Variants in PCDHA8 observed in about 807,000 individuals in gnomAD.
PCDHA8 encodes protocadherin alpha 8, also known as protocadherin alpha-8.
A neutral mutation model predicts 61.8 loss-of-function variants in PCDHA8; 53 were observed. That is an observed-to-expected ratio of 0.86 (90% CI 0.69 to 1.08). The LOEUF is 1.08. Ranked by LOEUF, PCDHA8 falls within the 50% of genes least tolerant of loss-of-function variation. The pLI, the probability that PCDHA8 is intolerant of heterozygous loss-of-function variation, is 0.00. For synonymous variants in PCDHA8, 618 were observed against 556.6 expected (o/e 1.11, Z -1.55); for missense variants, 1,293 against 1,245.0 (o/e 1.04, Z -0.58).
intron 3 of PCDHA8, among the ~76,000 whole-genome samples, chr5:140,997,797 C>A (rs2097786104): frequency 6.6e-6 from 1 of 151,944 alleles, no homozygotes; most frequent in Non-Finnish European, 1.5e-5. Context: ...TATAATTTAT[C>A]CAATTTGCTG....
intron 1 of PCDHA8, among the ~76,000 whole-genome samples, chr5:140,978,500 G>T (rs1480843119): frequency 2.0e-5 from 3 of 152,228 alleles, no homozygotes; most frequent in Non-Finnish European, 2.9e-5. Context: ...GCAGCAGATT[G>T]CAGTCCTCTG....
chr5:140,925,806 C>A (rs2082736423), intron 1 of PCDHA8, among the ~76,000 whole-genome samples: 1 of 152,148 alleles, frequency 6.6e-6, no homozygotes, highest in South Asian at 2.1e-4. Flanking sequence ...TTCCCCTCCA[C>A]TTCTCACGTC....
rs1052880282 is a variant in PCDHA8 at position 140,969,588 on chromosome 5, T to C, written c.2395-9361T>C. On this transcript the variant is annotated intron_variant, in intron 1 of 3. Coordinates refer to ENST00000531613, the MANE Select transcript of PCDHA8 (RefSeq NM_018911.3). ...TTGTTTGAGAAGTGAGGATTAGTCT[T>C]AATATTTAATGCTAAAACACAGATT... 31 of 849,754 alleles carry C rather than the reference T, an allele frequency of 3.6e-5. No individual in the cohort carries two copies. The African/African-American group carries it at 5.3e-4, about 15-fold the overall frequency. The allele number at this position is 849,754 out of a possible 1,614,324, so 52.6% of individuals were successfully genotyped here. A position where few individuals can be genotyped will look rare whatever the true frequency, so the allele number is the denominator to read the frequency against.
chr5:140,858,695 T>C (rs563307566), intron 1 of PCDHA8: 3 of 571,446 alleles, frequency 5.2e-6, no homozygotes, highest in Admixed American at 3.6e-5. Flanking sequence ...TATTTTCCAA[T>C]ACAAATATGT....
At chr5:140,884,391 C>G in intron 1 of PCDHA8, 1 of 1,613,982 alleles carries the variant, frequency 6.2e-7, no homozygotes, top group Non-Finnish European at 8.5e-7. Flanking sequence ...TGCGCGGTGT[C>G]CAGCCTGTTG....
At chr5:140,950,914 T>C (rs1198787949) in intron 1 of PCDHA8, among the ~76,000 whole-genome samples, 1 of 152,044 alleles carries the variant, frequency 6.6e-6, no homozygotes, top group African/African-American at 2.4e-5. Flanking sequence ...TTTATTTTAT[T>C]TCAGTTCTTT....
intron 1 of PCDHA8, chr5:140,928,231 CA>C: frequency 6.2e-7 from 1 of 1,614,226 alleles, no homozygotes; most frequent in Non-Finnish European, 8.5e-7. Flanking sequence ...AAACTTTCCT[CA>C]ACCCCAGCAG....
chr5:140,886,012 T>C (rs1363937487), intron 1 of PCDHA8, among the ~76,000 whole-genome samples: 1 of 152,190 alleles, frequency 6.6e-6, no homozygotes, highest in Non-Finnish European at 1.5e-5. Context: ...TAAAGGGAGA[T>C]GCTATGTATT....
At chr5:140,862,122 G>A (rs2047215545) in intron 1 of PCDHA8, 2 of 161,786 alleles carry the variant, frequency 1.2e-5, no homozygotes, top group Admixed American at 5.7e-5. Flanking sequence ...ATAAATAAAT[G>A]TAAAGATAGG....
intron 1 of PCDHA8, among the ~76,000 whole-genome samples, chr5:140,912,129 A>C (rs2075781767): frequency 6.6e-6 from 1 of 152,156 alleles, no homozygotes; most frequent in Admixed American, 6.6e-5. Flanking sequence ...AGTCAGTCTA[A>C]TCTCTCCATG....
chr5:140,996,678 G>T (rs922990686), intron 3 of PCDHA8, among the ~76,000 whole-genome samples: 28 of 152,162 alleles, frequency 1.8e-4, no homozygotes, highest in African/African-American at 6.7e-4. Context: ...AACCATGTTG[G>T]GCTAGTATTC....
intron 1 of PCDHA8, among the ~76,000 whole-genome samples, chr5:140,924,902 AAAATAAAATAAAAT>A (rs1442290811): frequency 5.1e-5 from 2 of 39,026 alleles, no homozygotes; most frequent in East Asian, 1.3e-3. Flanking sequence ...CTCAAAAAAA[AAAATAAAATAAAAT>A]AAAATAAAAT....
At chr5:140,969,337 AC>A in intron 1 of PCDHA8, 1 of 1,613,970 alleles carries the variant, frequency 6.2e-7, no homozygotes, top group East Asian at 2.2e-5. Flanking sequence ...ATGAGGTGAG[AC>A]AGTGGTCAGG....
intron 1 of PCDHA8, chr5:140,966,754 G>A (rs1554228611): frequency 1.4e-6 from 2 of 1,432,146 alleles, no homozygotes; most frequent in South Asian, 3.0e-5. Context: ...TGCCTCCGCC[G>A]CGGCCAGTGG....
At chr5:140,970,862 T>C (rs2153787404) in intron 1 of PCDHA8, among the ~76,000 whole-genome samples, 1 of 152,312 alleles carries the variant, frequency 6.6e-6, no homozygotes, top group South Asian at 2.1e-4. Flanking sequence ...GTTCCATTCC[T>C]GATTGAGAGT....
chr5:140,990,729 C>G (rs2097409512), intron 3 of PCDHA8, among the ~76,000 whole-genome samples: 1 of 152,134 alleles, frequency 6.6e-6, no homozygotes, highest in Non-Finnish European at 1.5e-5. Flanking sequence ...CTAGGTATAT[C>G]AACAGCCCTA....
chr5:140,928,944 A>G (rs782627710), intron 1 of PCDHA8: 1 of 1,614,070 alleles, frequency 6.2e-7, no homozygotes, highest in South Asian at 1.1e-5. Context: ...ACTTGTATTT[A>G]GTAATTGCCT....
intron 1 of PCDHA8, chr5:140,883,623 C>A: frequency 6.2e-7 from 1 of 1,613,988 alleles, no homozygotes; most frequent in Non-Finnish European, 8.5e-7. Context: ...AACGACAACG[C>A]GCCGGCGTTC....
Position 140,977,158 on chromosome 5 carries a change from A to G in PCDHA8, c.2395-1791A>G, listed in dbSNP as rs6862693. Among the ~76,000 whole-genome samples, 983 of 152,340 alleles carry G rather than the reference A, an allele frequency of 6.5e-3. 6 individuals carry two copies. The highest frequency in any genetic ancestry group is 0.023 in the African/African-American group (951 of 41,586). ...CAGTCCTGCTGGAACTGTGCCTTTC[A>G]GCAAAATGAGTTTGATGATTTCATT... On this transcript the variant is annotated intron_variant, in intron 1 of 3. Transcript: ENST00000531613.
Sources: allele counts gnomAD v4.1 joint callset (sites outside exome capture counted in the v4.1 genomes callset), GRCh38; gene constraint gnomAD v4.1.1; transcripts MANE v1.5; gene names NCBI Gene and HGNC (gene_info 2026-07-23, HGNC 2026-07-21).